Variants in GALNT14 observed in about 807,000 individuals in gnomAD.
GALNT14 encodes UDP-GalNAc:polypeptide N-acetylgalactosaminyltransferase 14.
A neutral mutation model predicts 77.5 loss-of-function variants in GALNT14; 60 were observed. The observed-to-expected ratio is 0.77, with a 90% CI of 0.63 to 0.96. The LOEUF is 0.96. GALNT14 is among the 40% of genes least tolerant of loss of function. GALNT14 has a pLI of 0.00. For synonymous variants in GALNT14, 280 were observed against 281.7 expected, an observed-to-expected ratio of 0.99 and a Z score of 0.06; for missense variants, 710 against 731.0, an observed-to-expected ratio of 0.97 and a Z score of 0.33.
At chr2:30,900,670 G>C in the GALNT14 span, among the ~76,000 whole-genome samples, 1 of 152,060 alleles carries the variant, frequency 6.6e-6, no homozygotes, top group Non-Finnish European at 1.5e-5. Context: ...TATAAATATT[G>C]GATAAAACAA....
intron 1 of GALNT14, among the ~76,000 whole-genome samples, chr2:31,021,520 G>A (rs749427712): frequency 6.6e-6 from 1 of 151,912 alleles, no homozygotes; most frequent in Non-Finnish European, 1.5e-5. Flanking sequence ...TGGTCAGGCT[G>A]GTCTTGAAGT....
chr2:30,934,247 C>A (rs1476594327), intron 9 of GALNT14, among the ~76,000 whole-genome samples: 1 of 152,160 alleles, frequency 6.6e-6, no homozygotes, highest in Non-Finnish European at 1.5e-5. Context: ...CATAGAGGAA[C>A]CTGGAGGTCG....
intron 1 of GALNT14, among the ~76,000 whole-genome samples, chr2:31,078,111 G>T (rs1187549060): frequency 6.6e-6 from 1 of 152,234 alleles, no homozygotes; most frequent in African/African-American, 2.4e-5. Context: ...CTTGAGAAGA[G>T]ACTGGCTCCA....
chr2:30,900,806 G>A, the GALNT14 span, among the ~76,000 whole-genome samples: 1 of 152,198 alleles, frequency 6.6e-6, no homozygotes, highest in Non-Finnish European at 1.5e-5. Context: ...GCATATCGAC[G>A]GGGCTGGGGC....
rs771614941 is a variant in GALNT14, at chr2:30,924,129, G to C, written c.1370C>G (p.Ala457Gly). 4 of 1,614,208 alleles carry C rather than the reference G, an allele frequency of 2.5e-6. No individual in the cohort carries two copies. Among genetic ancestry groups the C allele is most frequent in the South Asian group, 2.2e-5 (2 of 91,080 alleles). Residue 457 changes from alanine (A) to glycine (G), a missense_variant, in exon 13 of 15, where the codon GCA (alanine) becomes GGA (glycine). Ala to Gly is a moderately conservative substitution (Grantham distance 60, BLOSUM62 0). Coordinates refer to ENST00000349752, the MANE Select transcript of GALNT14 (RefSeq NM_024572.4). ...AGCCAGTTACTTTACCTGGGACTTT[G>C]CATCTTCGCCTTTGACCTTGGCACA... Reference protein sequence around the residue: ...SPCAKVKGEDAKSQVWAFTYT... With the variant: ...SPCAKVKGEDGKSQVWAFTYT...
At chr2:30,992,767 G>A in intron 2 of GALNT14, 71 bp downstream of exon 2, 1 of 1,531,982 alleles carries the variant, frequency 6.5e-7, no homozygotes, top group Non-Finnish European at 9.0e-7. Context: ...GCATACAGCA[G>A]GCCCCAGATC....
At chr2:31,078,804 A>C (rs1675975002) in intron 1 of GALNT14, 1 of 666,944 alleles carries the variant, frequency 1.5e-6, no homozygotes, top group South Asian at 1.7e-5. Context: ...CAGCACAGGC[A>C]CACAAGATGA....
intron 1 of GALNT14, among the ~76,000 whole-genome samples, chr2:30,994,415 G>A (rs1669897629): frequency 6.6e-6 from 1 of 152,212 alleles, no homozygotes; most frequent in Admixed American, 6.5e-5. Context: ...TGGCCAGTGT[G>A]CATGTTCATC....
At chr2:30,949,598 G>A (rs569763777) in intron 6 of GALNT14, among the ~76,000 whole-genome samples, 21 of 152,268 alleles carry the variant, frequency 1.4e-4, no homozygotes, top group African/African-American at 4.8e-4. Context: ...AACTACAAGA[G>A]GCTGAATGCA....
intron 1 of GALNT14, among the ~76,000 whole-genome samples, chr2:31,062,227 C>T (rs574563426): frequency 5.3e-5 from 8 of 152,122 alleles, no homozygotes; most frequent in Non-Finnish European, 7.3e-5. Context: ...CCCCACCTCC[C>T]GACAGACCCC....
chr2:31,028,497 G>A (rs970595562), intron 1 of GALNT14, among the ~76,000 whole-genome samples: 7 of 152,254 alleles, frequency 4.6e-5, no homozygotes, highest in African/African-American at 1.7e-4. Flanking sequence ...ACCAGGTCCG[G>A]TTAGCGGGGC....
intron 8 of GALNT14, among the ~76,000 whole-genome samples, chr2:30,942,590 C>T (rs1666445555): frequency 6.6e-6 from 1 of 152,188 alleles, no homozygotes; most frequent in Non-Finnish European, 1.5e-5. Context: ...CCCATGGGGA[C>T]ACAGGGCTCA....
intron 1 of GALNT14, among the ~76,000 whole-genome samples, chr2:31,019,964 A>G (rs1226445900): frequency 6.6e-6 from 1 of 152,208 alleles, no homozygotes; most frequent in African/African-American, 2.4e-5. Flanking sequence ...GCGGTGGCTC[A>G]GTCTACCCTA....
chr2:30,972,363 G>A lies in GALNT14; in HGVS notation c.300-6061C>T, dbSNP rs149195698. On this transcript the variant is annotated intron_variant, in intron 2 of 14. Transcript: ENST00000349752. Reference sequence around the variant, plus strand: ...AATCAAACAGGCCTGGCGTGGCGTGGGACACACTGGGACTGAACCTTCGCT... The same window carrying A: ...AATCAAACAGGCCTGGCGTGGCGTGAGACACACTGGGACTGAACCTTCGCT... Among the ~76,000 whole-genome samples the A allele has an allele frequency of 2.9e-3, 440 of 152,300 alleles. 1 individual carries two copies. The highest frequency in any genetic ancestry group is 9.8e-3 in the African/African-American group (406 of 41,566).
chr2:30,964,428 G>A (rs1667875523), intron 3 of GALNT14, among the ~76,000 whole-genome samples: 1 of 152,140 alleles, frequency 6.6e-6, no homozygotes, highest in African/African-American at 2.4e-5. Context: ...AGGAGAATTG[G>A]GCCTCCTCCA....
intron 1 of GALNT14, among the ~76,000 whole-genome samples, chr2:31,038,728 T>A (rs1177418301): frequency 2.0e-5 from 3 of 150,926 alleles, no homozygotes; most frequent in Non-Finnish European, 4.4e-5. Flanking sequence ...AAGCTCTTTA[T>A]TCTTAGTGAG....
intron 1 of GALNT14, among the ~76,000 whole-genome samples, chr2:31,077,218 G>A (rs1382163385): frequency 1.3e-5 from 2 of 152,188 alleles, no homozygotes; most frequent in African/African-American, 4.8e-5. Flanking sequence ...ACAAGCCCAA[G>A]GTCACAGAAG....
At chr2:31,094,442 G>A (rs2148603659) in intron 1 of GALNT14, among the ~76,000 whole-genome samples, 1 of 152,322 alleles carries the variant, frequency 6.6e-6, no homozygotes, top group South Asian at 2.1e-4. Flanking sequence ...TCTTCACTTG[G>A]ACATGCATGA....
intron 13 of GALNT14, 130 bp from the exon 14 acceptor site, chr2:30,912,472 C>T (rs1664427470): frequency 2.9e-6 from 3 of 1,022,168 alleles, no homozygotes; most frequent in African/African-American, 1.6e-5. Context: ...AGGCAATGAT[C>T]ATCAAGGTTA....
Sources: allele counts gnomAD v4.1 joint callset (sites outside exome capture counted in the v4.1 genomes callset), GRCh38; gene constraint gnomAD v4.1.1; transcripts MANE v1.5; gene names NCBI Gene and HGNC (gene_info 2026-07-23, HGNC 2026-07-21).